Variants in ABCG8 observed in about 807,000 individuals in gnomAD.
ABCG8 encodes ATP binding cassette subfamily G member 8.
A neutral mutation model predicts 71.3 loss-of-function variants in ABCG8; 81 were observed. The observed-to-expected ratio is 1.14, with a 90% CI of 0.95 to 1.37. The LOEUF is 1.37. ABCG8 is among the 40% of genes most tolerant of loss of function. The pLI is 0.00. For missense variants in ABCG8, 1,119 were observed against 866.2 expected (o/e 1.29, Z -3.66); for synonymous variants, 451 against 354.7 (o/e 1.27, Z -3.05).
At chr2:43,860,191 G>C (rs1426404025) in intron 6 of ABCG8, among the ~76,000 whole-genome samples, 2 of 151,222 alleles carry the variant, frequency 1.3e-5, no homozygotes, top group African/African-American at 4.8e-5. Flanking sequence ...CTATCTGTCT[G>C]GATAGAATTC....
chr2:43,851,911 C>T, intron 4 of ABCG8, 89 bp downstream of exon 4: 1 of 1,440,160 alleles, frequency 6.9e-7, no homozygotes, highest in Non-Finnish European at 9.7e-7. Flanking sequence ...GCCTCAGGAC[C>T]CAGCCGCAGG....
rs1285527259 is a variant in ABCG8 at position 43,872,278 on chromosome 2, G to A, written c.1183G>A (p.Ala395Thr). The change falls in exon 8 of 13, where the codon GCG becomes ACG. Residue 395 changes from alanine (A) to threonine (T), a missense_variant. Physicochemically the swap from Ala to Thr is moderately conservative, Grantham distance 58. Transcript: ENST00000272286. Reference sequence around the variant, plus strand: ...CCCGAGTCCTACGAAGATGCCTGGGGCGGTGCAGCAGTTTACGACGCTGAT... The same window carrying A: ...CCCGAGTCCTACGAAGATGCCTGGGACGGTGCAGCAGTTTACGACGCTGAT... ...CLPSPTKMPG[A>T]VQQFTTLIRR... 6.2e-7 allele frequency: 1 copy of A among 1,613,994 alleles called. No homozygotes were observed. Among genetic ancestry groups the A allele is most frequent in the African/African-American group, 1.3e-5 (1 of 75,028 alleles).
chr2:43,855,612 C>T (rs528207386), intron 6 of ABCG8, among the ~76,000 whole-genome samples: 1 of 152,208 alleles, frequency 6.6e-6, no homozygotes, highest in African/African-American at 2.4e-5. Flanking sequence ...AATTATCACT[C>T]TCTGGATAGA....
At chr2:43,844,373 C>G (rs145528805) in intron 1 of ABCG8, 134 bp from the exon 2 acceptor site, 1 of 720,488 alleles carries the variant, frequency 1.4e-6, no homozygotes, top group Non-Finnish European at 2.5e-6. Context: ...CCTGTGCAAT[C>G]CCATCTGTTG....
chr2:43,840,758 C>A (rs1668558214), intron 1 of ABCG8, among the ~76,000 whole-genome samples: 1 of 152,190 alleles, frequency 6.6e-6, no homozygotes, highest in South Asian at 2.1e-4. Context: ...CGAGCCACAA[C>A]CTGTCCCCCT....
In ABCG8 at chr2:43,851,864, C is replaced by T. The variant is rs527475075; in HGVS notation, c.561+42C>T. ...AGTGGTGACCCCCAGGTCCAAGAAG[C>T]TACAGTGTCCATGCCCCGCTCCTCC... On this transcript the variant is annotated intron_variant, in intron 4 of 12. Coordinates refer to ENST00000272286, the MANE Select transcript of ABCG8 (RefSeq NM_022437.3). 2.5e-6 allele frequency: 4 copies of T among 1,602,404 alleles called. No individual in the cohort carries two copies. In the East Asian group the frequency reaches 8.9e-5, roughly 36 times the overall value.
intron 6 of ABCG8, among the ~76,000 whole-genome samples, chr2:43,859,108 G>C (rs1669214814): frequency 2.0e-5 from 3 of 151,138 alleles, no homozygotes; most frequent in Admixed American, 2.0e-4. Context: ...TTTCTGGATA[G>C]AATTCTCACT....
At chr2:43,865,861 C>A (rs995111583) in intron 6 of ABCG8, among the ~76,000 whole-genome samples, 1 of 152,100 alleles carries the variant, frequency 6.6e-6, no homozygotes, top group Non-Finnish European at 1.5e-5. Flanking sequence ...TTCTCACTCT[C>A]TGGATAGAAT....
chr2:43,851,264 G>A (rs545524785), intron 3 of ABCG8, among the ~76,000 whole-genome samples: 1 of 152,326 alleles, frequency 6.6e-6, no homozygotes, highest in South Asian at 2.1e-4. Context: ...AATGCTCCAG[G>A]CACCAGCTGG....
chr2:43,855,296 A>G (rs1399451660), intron 6 of ABCG8, among the ~76,000 whole-genome samples: 1 of 152,048 alleles, frequency 6.6e-6, no homozygotes, highest in African/African-American at 2.4e-5. Flanking sequence ...CTCACTATCT[A>G]TCGAGATAGA....
intron 11 of ABCG8, among the ~76,000 whole-genome samples, chr2:43,877,332 A>T (rs1669991253): frequency 6.6e-6 from 1 of 151,250 alleles, no homozygotes; most frequent in African/African-American, 2.4e-5. Flanking sequence ...CCACATCAAT[A>T]TAAAGGAGAT....
intron 9 of ABCG8, 56 bp downstream of exon 9, chr2:43,874,042 T>G (rs754256016): frequency 6.3e-7 from 1 of 1,575,248 alleles, no homozygotes; most frequent in Non-Finnish European, 8.7e-7. Flanking sequence ...CCAAGCTGTG[T>G]TCCTCTGAGC....
rs1558785382 is a variant in ABCG8 at position 43,839,113 on chromosome 2, C to G, written c.60C>G (p.Thr20=). ...GLPKGATPQD[T]SGLQDRLFSS... ...CGAAAGGGGCCACTCCCCAGGATAC[C>G]TCGGTGAGTGAGCAATGGGAAGTCG... The change falls in exon 1 of 13, where the codon ACC becomes ACG. Residue 20 remains threonine, a synonymous_variant. Transcript: ENST00000272286. 1 of 1,551,116 alleles carries G rather than the reference C, an allele frequency of 6.4e-7. No homozygotes were observed. The highest frequency in any genetic ancestry group is 8.7e-7 in the Non-Finnish European group (1 of 1,146,794).
intron 6 of ABCG8, among the ~76,000 whole-genome samples, chr2:43,869,179 G>A (rs72798823): frequency 0.052 from 7,945 of 151,658 alleles, 253 homozygotes; most frequent in Middle Eastern, 0.11. Context: ...CTCACTGTGG[G>A]TAGAATTCTC....
At chr2:43,871,781 G>T (rs989886245) in intron 6 of ABCG8, among the ~76,000 whole-genome samples, 195 bp from the exon 7 acceptor site, 4 of 152,254 alleles carry the variant, frequency 2.6e-5, no homozygotes, top group Non-Finnish European at 5.9e-5. Context: ...AGGCCTGGCA[G>T]GGTGAAGGAC....
chr2:43,865,360 C>G (rs1220613489), intron 6 of ABCG8, among the ~76,000 whole-genome samples: 1 of 149,178 alleles, frequency 6.7e-6, no homozygotes, highest in Non-Finnish European at 1.5e-5. Context: ...GGATAGAACT[C>G]TTACTATCTG....
intron 6 of ABCG8, among the ~76,000 whole-genome samples, chr2:43,867,713 C>G (rs1669581424): frequency 6.7e-6 from 1 of 149,418 alleles, no homozygotes; most frequent in African/African-American, 2.5e-5. Flanking sequence ...GTGGATAGAA[C>G]TCTCCGTATC....
rs776356685 is a variant in ABCG8, at chr2:43,844,579, A to T, written c.136A>T (p.Thr46Ser). 2 of 1,614,062 alleles carry T rather than the reference A, an allele frequency of 1.2e-6. No individual in the cohort carries two copies. The highest frequency in any genetic ancestry group is 1.7e-6 in the Non-Finnish European group (2 of 1,179,996). Reference sequence around the variant, plus strand: ...CTTCACCTACAGTGGCCAGCCCAACACCCTGGAGGTCAGAGACCTCAACTA... The same window carrying T: ...CTTCACCTACAGTGGCCAGCCCAACTCCCTGGAGGTCAGAGACCTCAACTA... ...LYFTYSGQPN[T>S]LEVRDLNYQV... The change falls in exon 2 of 13, where the codon ACC becomes TCC. Residue 46 changes from threonine to serine, a missense_variant. Transcript: ENST00000272286.
At position 43,874,405 on chromosome 2, in the gene ABCG8, A is replaced by T; in HGVS notation, c.1412-2A>T. On this transcript the variant is annotated splice_acceptor_variant, in intron 9 of 12. Coordinates refer to ENST00000272286, the MANE Select transcript of ABCG8 (RefSeq NM_022437.3). LOFTEE classifies it high-confidence loss of function. ...TCTCTTTTCCTTTCCCTTACTTTTTAGGTTACTCAGAGAGGGCAATGCTTT... is the reference window on the plus strand; with the variant it reads ...TCTCTTTTCCTTTCCCTTACTTTTTTGGTTACTCAGAGAGGGCAATGCTTT... The T allele has an allele frequency of 6.3e-7, 1 of 1,587,528 alleles. No individual in the cohort carries two copies. The highest frequency in any genetic ancestry group is 1.7e-5 in the Admixed American group (1 of 59,616).
Sources: gnomAD v4.1 joint callset for allele counts (sites outside exome capture counted in the v4.1 genomes callset) on GRCh38, gnomAD v4.1.1 for gene constraint, MANE v1.5 for transcripts, NCBI Gene and HGNC (gene_info 2026-07-23, HGNC 2026-07-21) for gene names.